The following ZNF75D variants were observed in gnomAD, a reference collection of about 807,000 sequenced individuals.
The protein encoded by ZNF75D is zinc finger protein 75.
In ZNF75D, 33 loss-of-function variants were observed where a neutral mutation model predicts 33.3. That is an observed-to-expected ratio of 0.99 (90% CI 0.75 to 1.32). The LOEUF is 1.32. ZNF75D is among the 40% of genes most tolerant of loss of function. The probability of loss-of-function intolerance (pLI) is 0.00; values close to 1 mark genes in which losing one functional copy is unlikely to be tolerated. For synonymous variants in ZNF75D, 113 were observed against 130.6 expected (o/e 0.87, Z 0.92); for missense variants, 338 against 367.5 (o/e 0.92, Z 0.66).
At chrX:135,301,916 G>A (rs1556424794) in intron 1 of ZNF75D, among the ~76,000 whole-genome samples, 1 of 112,316 alleles carries the variant, frequency 8.9e-6, no homozygotes, top group Non-Finnish European at 1.9e-5. Context: ...TTAGACTTTT[G>A]CCTGGATATC....
At chrX:135,312,420 A>G (rs934335683) in intron 1 of ZNF75D, among the ~76,000 whole-genome samples, 2 of 111,976 alleles carry the variant, frequency 1.8e-5, no homozygotes, top group South Asian at 3.7e-4. Context: ...GATTGATTCC[A>G]TATCTTTGCT....
downstream of ZNF75D, among the ~76,000 whole-genome samples, chrX:135,281,714 G>GT (rs1176580828): frequency 3.6e-5 from 4 of 112,164 alleles, no homozygotes; most frequent in Non-Finnish European, 7.5e-5. Context: ...ATTCCTTTCT[G>GT]TTTGTTAGTT....
chrX:135,285,816 T>C lies in ZNF75D; in HGVS notation c.*1321A>G, dbSNP rs1375394027. 1.8e-5 allele frequency: 2 copies of C among 112,596 alleles called. No homozygotes were observed. Among genetic ancestry groups the C allele is most frequent in the African/African-American group, 6.5e-5 (2 of 30,978 alleles). The allele number at this position is 112,596 out of a possible 1,213,427, so 9.3% of individuals were successfully genotyped here. A position where few individuals can be genotyped will look rare whatever the true frequency, so the allele number is the denominator to read the frequency against. On this transcript the variant is annotated 3_prime_UTR_variant, in exon 7 of 7. Transcript: ENST00000370766. Reference sequence around the variant, plus strand: ...TGATTTGGTAACAAAGTTTTGTTTATTGTCTAAATTTAAGATAAAATGTGT... The same window carrying C: ...TGATTTGGTAACAAAGTTTTGTTTACTGTCTAAATTTAAGATAAAATGTGT...
chrX:135,324,812 C>T (rs1328559143), intron 1 of ZNF75D, among the ~76,000 whole-genome samples: 1 of 112,458 alleles, frequency 8.9e-6, no homozygotes, highest in Non-Finnish European at 1.9e-5. Context: ...TCTGAGAATA[C>T]GGTACATGCT....
intron 1 of ZNF75D, among the ~76,000 whole-genome samples, chrX:135,299,206 C>G (rs1385387531): frequency 2.7e-5 from 3 of 111,820 alleles, no homozygotes; most frequent in African/African-American, 9.7e-5. Context: ...GAGGAGCTGC[C>G]AGACTATTTT....
intron 5 of ZNF75D, 161 bp downstream of exon 5, chrX:135,291,311 G>A: frequency 3.8e-6 from 3 of 788,898 alleles, no homozygotes; most frequent in Non-Finnish European, 5.5e-6. Flanking sequence ...TCACCTGGGA[G>A]GTGCCCAGTT....
At chrX:135,314,844 A>G (rs2084400803) in intron 1 of ZNF75D, among the ~76,000 whole-genome samples, 1 of 110,840 alleles carries the variant, frequency 9.0e-6, no homozygotes, top group Non-Finnish European at 1.9e-5. Context: ...TTCTGATTTT[A>G]TTTATTTGGG....
chrX:135,309,054 G>C (rs1556426707), intron 1 of ZNF75D, among the ~76,000 whole-genome samples: 1 of 112,208 alleles, frequency 8.9e-6, no homozygotes, highest in East Asian at 2.8e-4. Context: ...AAATGCAGTA[G>C]AAGAAAGCCC....
At chrX:135,258,807 C>G (rs1431088657) in intron 1 of ZNF75D, among the ~76,000 whole-genome samples, 1 of 111,958 alleles carries the variant, frequency 8.9e-6, no homozygotes, top group Non-Finnish European at 1.9e-5. Context: ...AATTAAATCC[C>G]ATTTGTATAT....
chrX:135,316,202 GTGA>G (rs530896389), intron 1 of ZNF75D, among the ~76,000 whole-genome samples: 1 of 112,095 alleles, frequency 8.9e-6, no homozygotes, highest in African/African-American at 3.2e-5. Flanking sequence ...GGGCAGTCTA[GTGA>G]TGATGAATTC....
Position 135,333,222 on chromosome X carries a change from C to T in ZNF75D, c.-391+8546G>A, listed in dbSNP as rs148507950. Reference sequence around the variant, plus strand: ...AGAGAAATTCTTGGTGCAGGTGAACCTCAGGACCGGAGGCTGATTGGAGTG... The same window carrying T: ...AGAGAAATTCTTGGTGCAGGTGAACTTCAGGACCGGAGGCTGATTGGAGTG... On this transcript the variant is annotated intron_variant, in intron 1 of 6. Coordinates refer to ENST00000370766, the MANE Select transcript of ZNF75D (RefSeq NM_007131.5). Among the ~76,000 whole-genome samples the T allele has an allele frequency of 4.5e-3, 498 of 111,424 alleles. 3 individuals are homozygous for T. Among genetic ancestry groups the T allele is most frequent in the Non-Finnish European group, 8.2e-3 (435 of 53,041 alleles).
intron 1 of ZNF75D, among the ~76,000 whole-genome samples, chrX:135,257,070 G>A (rs782677003): frequency 1.8e-5 from 2 of 111,987 alleles, no homozygotes; most frequent in East Asian, 2.8e-4. Context: ...GCTCTGAGGC[G>A]TGCTGACTTC....
intron 1 of ZNF75D, among the ~76,000 whole-genome samples, chrX:135,296,561 A>G (rs2084133191): frequency 8.9e-6 from 1 of 112,075 alleles, no homozygotes; most frequent in Non-Finnish European, 1.9e-5. Context: ...TGTAGTCACT[A>G]GACTTATCAA....
In ZNF75D at chrX:135,295,762, G is replaced by C. The variant is rs1268229783; in HGVS notation, c.-119+6C>G. On this transcript the variant is annotated splice_donor_region_variant and intron_variant, in intron 2 of 6. Transcript: ENST00000370766. ...AATCTAAAGAGAAAATCAGCTTCTC[G>C]GTTACCTTCAGTCAGCTCTGGCTTC... The C allele has an allele frequency of 1.8e-5, 2 of 112,229 alleles. No homozygotes were observed. Among genetic ancestry groups the C allele is most frequent in the African/African-American group, 3.2e-5 (1 of 30,871 alleles). The allele number at this position is 112,229 out of a possible 1,213,427, so 9.2% of individuals were successfully genotyped here.
chrX:135,283,903 C>G (rs781973305), downstream of ZNF75D, among the ~76,000 whole-genome samples: 1 of 111,784 alleles, frequency 8.9e-6, no homozygotes, highest in East Asian at 2.8e-4. Context: ...TGTGTCTCAT[C>G]CACAGCAAGC....
intron 1 of ZNF75D, among the ~76,000 whole-genome samples, chrX:135,256,777 T>A (rs1335959131): frequency 9.0e-6 from 1 of 111,711 alleles, no homozygotes; most frequent in Non-Finnish European, 1.9e-5. Flanking sequence ...GGTAGTCCTT[T>A]ATAGCAGTAT....
intron 1 of ZNF75D, among the ~76,000 whole-genome samples, chrX:135,325,301 TCA>T (rs2084547676): frequency 9.2e-6 from 1 of 109,039 alleles, no homozygotes; most frequent in Non-Finnish European, 1.9e-5. Flanking sequence ...CTGGCAGTCC[TCA>T]CAGCCCTCGC....
intron 1 of ZNF75D, among the ~76,000 whole-genome samples, chrX:135,308,042 AG>A (rs2148481062): frequency 8.9e-6 from 1 of 112,648 alleles, no homozygotes; most frequent in African/African-American, 3.2e-5. Context: ...TGTCCCATCC[AG>A]GAAGGAGACA....
chrX:135,305,715 C>G (rs1267280548), intron 1 of ZNF75D, among the ~76,000 whole-genome samples: 2 of 111,052 alleles, frequency 1.8e-5, no homozygotes, highest in Non-Finnish European at 3.8e-5. Flanking sequence ...GCCCACTCAG[C>G]CGTCCTTCCA....
Sources: gnomAD v4.1 joint callset for allele counts (sites outside exome capture counted in the v4.1 genomes callset) on GRCh38, gnomAD v4.1.1 for gene constraint, MANE v1.5 for transcripts, NCBI Gene and HGNC (gene_info 2026-07-23, HGNC 2026-07-21) for gene names.